CACNA1C: variants seen among roughly 807,000 people sequenced by gnomAD.
The protein encoded by CACNA1C is voltage-dependent L-type calcium channel subunit alpha-1C.
A neutral mutation model predicts 229.0 loss-of-function variants in CACNA1C; 30 were observed. That is an observed-to-expected ratio of 0.13 (90% CI 0.10 to 0.18). The LOEUF is 0.18. CACNA1C is among the 10% of genes least tolerant of loss of function. CACNA1C has a pLI of 1.00. For synonymous variants in CACNA1C, 1,114 were observed against 1,132.5 expected (o/e 0.98, Z 0.33); for missense variants, 1,658 against 2,845.0 (o/e 0.58, Z 9.49).
At chr12:2,016,248 T>C (rs1045183153) in intron 1 of CACNA1C, among the ~76,000 whole-genome samples, 8 of 152,132 alleles carry the variant, frequency 5.3e-5, no homozygotes, top group African/African-American at 1.9e-4. Flanking sequence ...CAAGTACTTA[T>C]CAGGTCCCGA....
At chr12:2,286,359 G>A (rs2092672281) in intron 3 of CACNA1C, among the ~76,000 whole-genome samples, 1 of 152,230 alleles carries the variant, frequency 6.6e-6, no homozygotes, top group Non-Finnish European at 1.5e-5. Context: ...TGTCTTAGTG[G>A]CTAGTATTCC....
At chr12:2,036,053 G>A (rs943987333) in intron 1 of CACNA1C, among the ~76,000 whole-genome samples, 3 of 152,186 alleles carry the variant, frequency 2.0e-5, no homozygotes, top group Non-Finnish European at 4.4e-5. Flanking sequence ...CTGGTAAATG[G>A]GGTTGGAGGG....
At chr12:2,432,702 A>T (rs1396163058) in intron 3 of CACNA1C, among the ~76,000 whole-genome samples, 1 of 152,214 alleles carries the variant, frequency 6.6e-6, no homozygotes, top group Non-Finnish European at 1.5e-5. Flanking sequence ...GTGTGTAAAT[A>T]AGCATCATTA....
Position 2,566,471 on chromosome 12 carries a change from G to A in CACNA1C, c.1558G>A (p.Ala520Thr), listed in dbSNP as rs755167125. 2.3e-5 allele frequency: 36 copies of A among 1,595,466 alleles called. No individual in the cohort carries two copies. The highest frequency in any genetic ancestry group is 4.5e-5 in the East Asian group (2 of 44,004). Residue 520 changes from alanine (A) to threonine (T), a missense_variant, in exon 12 of 47, where the codon GCA becomes ACA. Around this residue, in one of 20 missense-constraint regions of CACNA1C, gnomAD observed 149 missense variants for 194.2 expected, o/e 0.77. Transcript: ENST00000399655. This position sits in a 1 kb window ranked among gnomAD's most constrained non-coding sequence, Gnocchi z 4.0. ...GTTCTGCAGAAGGAAGTGCCGCGCCGCAGTCAAGTCTAATGTCTTCTACTG... is the reference window on the plus strand; with the variant it reads ...GTTCTGCAGAAGGAAGTGCCGCGCCACAGTCAAGTCTAATGTCTTCTACTG... The part of the protein sequence containing the change: ...NRFCRRKCRA[A>T]VKSNVFYWLV...
chr12:2,053,730 C>G lies in CACNA1C; in HGVS notation c.49+119C>G. 9.9e-7 allele frequency: 1 copy of G among 1,006,492 alleles called. No individual in the cohort carries two copies. The highest frequency in any genetic ancestry group is 3.9e-5 in the East Asian group (1 of 25,792). The allele number at this position is 1,006,492 out of a possible 1,614,324, so 62.3% of individuals were successfully genotyped here. On this transcript the variant is annotated intron_variant, in intron 1 of 46. Transcript: ENST00000399655. This position sits in a 1 kb window ranked among gnomAD's most constrained non-coding sequence, Gnocchi z 5.8. ...CTGCGGAGTGGCCCGGGGCCGCGTC[C>G]GCGAGGGGCGCCTCCGCCTCGTCGG... is the stretch of plus-strand genomic sequence containing the variant.
rs575486899 is a variant in CACNA1C, at chr12:2,191,110, G to A, written c.477+70680G>A. On this transcript the variant is annotated intron_variant, in intron 3 of 46. Transcript: ENST00000399655. ...ATGTCCCCACTCCACGGAGCAGCCC[G>A]TTCACCCTGGGGCGTCAGGAGAGGC... is the stretch of plus-strand genomic sequence containing the variant. Among the ~76,000 whole-genome samples, 7 of 152,266 alleles carry A rather than the reference G, an allele frequency of 4.6e-5. No homozygotes were observed. In the South Asian group the frequency reaches 1.2e-3, roughly 27 times the overall value.
intron 29 of CACNA1C, among the ~76,000 whole-genome samples, chr12:2,628,129 C>T (rs98545): frequency 0.2 from 30,987 of 152,120 alleles, 3,743 homozygotes; most frequent in African/African-American, 0.34. Flanking sequence ...ACCAGCCTGA[C>T]TGAAAGCTGG....
chr12:2,033,647 C>T (rs1337209513), intron 1 of CACNA1C, among the ~76,000 whole-genome samples: 2 of 152,152 alleles, frequency 1.3e-5, no homozygotes, highest in Middle Eastern at 3.2e-3. Flanking sequence ...AACAACACAA[C>T]AACAACAACA....
At chr12:2,547,612 C>T (rs749936539) in intron 9 of CACNA1C, 34 of 740,942 alleles carry the variant, frequency 4.6e-5, no homozygotes, top group Non-Finnish European at 6.5e-5. Context: ...TGGCTTGTGC[C>T]GCAGTAGTTC....
chr12:1,976,975 T>C (rs1283433963), intron 1 of CACNA1C, among the ~76,000 whole-genome samples: 1 of 152,188 alleles, frequency 6.6e-6, no homozygotes, highest in Non-Finnish European at 1.5e-5. Context: ...TAGGAACTAC[T>C]ATTTGCGACT....
Position 2,512,793 on chromosome 12 carries a change from C to G in CACNA1C, c.1218-19C>G. ...TTCTCTGTGCTCTCCTGCCCTGCCC[C>G]TCCTCTCACTCTCACCAGAGAGTTT... On this transcript the variant is annotated intron_variant, in intron 8 of 46. Coordinates refer to ENST00000399655, the MANE Select transcript of CACNA1C (RefSeq NM_000719.7). The surrounding 1 kb of genome is among the most constrained non-coding windows in gnomAD (Gnocchi z 4.3). 1 of 1,597,702 alleles carries G rather than the reference C, an allele frequency of 6.3e-7. No homozygotes were observed. Among genetic ancestry groups the G allele is most frequent in the South Asian group, 1.1e-5 (1 of 87,502 alleles).
chr12:1,991,962 G>C, intron 1 of CACNA1C: 1 of 191,168 alleles, frequency 5.2e-6, no homozygotes, highest in Non-Finnish European at 1.1e-5. Flanking sequence ...ATATTAATTT[G>C]ACATAAAATC....
chr12:2,335,650 A>AACACT (rs2096669390), intron 3 of CACNA1C, among the ~76,000 whole-genome samples: 1 of 152,128 alleles, frequency 6.6e-6, no homozygotes, highest in Admixed American at 6.5e-5. Flanking sequence ...AAGCATCAGA[A>AACACT]ACACTGGGTG....
intron 3 of CACNA1C, among the ~76,000 whole-genome samples, chr12:2,234,579 A>G (rs561921400): frequency 1.3e-5 from 2 of 152,278 alleles, no homozygotes; most frequent in Admixed American, 6.5e-5. Flanking sequence ...AGCCTGGTGT[A>G]GGGCCAGGGG....
Position 2,677,123 on chromosome 12 carries a change from G to A in CACNA1C, c.4858G>A (p.Ala1620Thr), listed in dbSNP as rs2096864308. ...DDEVTVGKFY[A>T]TFLIQEYFRK... is the part of the protein sequence containing the mutation. ...TGAGGTCACCGTTGGCAAGTTCTAC[G>A]CCACGTTCCTGATCCAGGAGTACTT... The change falls in exon 40 of 47, where the codon GCC becomes ACC. Residue 1620 changes from alanine to threonine, a missense_variant. Physicochemically the swap from Ala to Thr is moderately conservative, Grantham distance 58. Coordinates refer to ENST00000399655, the MANE Select transcript of CACNA1C (RefSeq NM_000719.7). This position sits in a 1 kb window ranked among gnomAD's most constrained non-coding sequence, Gnocchi z 7.4. 6.2e-7 allele frequency: 1 copy of A among 1,613,274 alleles called. No homozygotes were observed. Among genetic ancestry groups the A allele is most frequent in the Non-Finnish European group, 8.5e-7 (1 of 1,179,702 alleles).
At position 2,493,166 on chromosome 12, in the gene CACNA1C, C is replaced by G; in HGVS notation, c.917-24C>G. 3 of 1,605,336 alleles carry G rather than the reference C, an allele frequency of 1.9e-6. No individual in the cohort carries two copies. Among genetic ancestry groups the G allele is most frequent in the South Asian group, 2.2e-5 (2 of 90,828 alleles). On this transcript the variant is annotated intron_variant, in intron 6 of 46. Coordinates refer to ENST00000399655, the MANE Select transcript of CACNA1C (RefSeq NM_000719.7). This position sits in a 1 kb window ranked among gnomAD's most constrained non-coding sequence, Gnocchi z 4.6. ...CTCTCCCTCCCTGCTGCTCCCGTCT[C>G]CTGTCTTCTTCTGGCCATTTGAGAT...
Position 2,410,863 on chromosome 12 carries a change from G to A in CACNA1C, c.478-38113G>A, listed in dbSNP as rs2098799885. Among the ~76,000 whole-genome samples the A allele has an allele frequency of 6.6e-6, 1 of 151,948 alleles. No homozygotes were observed. Among genetic ancestry groups the A allele is most frequent in the Non-Finnish European group, 1.5e-5 (1 of 67,994 alleles). On this transcript the variant is annotated intron_variant, in intron 3 of 46. Coordinates refer to ENST00000399655, the MANE Select transcript of CACNA1C (RefSeq NM_000719.7). This position sits in a 1 kb window ranked among gnomAD's most constrained non-coding sequence, Gnocchi z 5.3. ...AGGAGCTGACCCTGGCTGTGAGGAT[G>A]GCCTTCCTATCCTTCCCTTCTCCTG...
In CACNA1C at chr12:2,679,037, T is replaced by C. The variant is rs1402417858; in HGVS notation, c.5092-407T>C. On this transcript the variant is annotated intron_variant, in intron 41 of 46. Coordinates refer to ENST00000399655, the MANE Select transcript of CACNA1C (RefSeq NM_000719.7). This position sits in a 1 kb window ranked among gnomAD's most constrained non-coding sequence, Gnocchi z 5.5. ...TCTGGTTAGAATCTTCTGGTCGCTC[T>C]CCCAGCCCCCGCCCTCACGGTGTGC... Among the ~76,000 whole-genome samples the C allele has an allele frequency of 6.6e-6, 1 of 152,232 alleles. No individual in the cohort carries two copies. Among genetic ancestry groups the C allele is most frequent in the African/African-American group, 2.4e-5 (1 of 41,460 alleles).
chr12:2,206,301 G>A (rs2097757653), intron 3 of CACNA1C, among the ~76,000 whole-genome samples: 1 of 152,188 alleles, frequency 6.6e-6, no homozygotes, highest in Admixed American at 6.5e-5. Context: ...GAAGTGCAGA[G>A]TAGTATTTTA....
Sources: gnomAD v4.1 joint callset for allele counts (sites outside exome capture counted in the v4.1 genomes callset) on GRCh38, gnomAD v4.1.1 for gene constraint, gnomAD v4.1.1 regional missense constraint, Gnocchi (gnomAD v3.1) non-coding constraint, MANE v1.5 for transcripts, NCBI Gene and HGNC (gene_info 2026-07-23, HGNC 2026-07-21) for gene names.